Variants in STXBP4 observed in about 807,000 individuals in gnomAD.
The protein encoded by STXBP4 is syntaxin-binding protein 4.
A neutral mutation model predicts 76.1 loss-of-function variants in STXBP4; 55 were observed. The observed-to-expected ratio is 0.72, with a 90% CI of 0.58 to 0.91. The LOEUF (loss-of-function observed/expected upper bound fraction) is 0.91. Ranked by LOEUF, STXBP4 falls within the 40% of genes least tolerant of loss-of-function variation. The pLI, the probability that STXBP4 is intolerant of heterozygous loss-of-function variation, is 0.00. For synonymous variants in STXBP4, 201 were observed against 220.2 expected (o/e 0.91, Z 0.77); for missense variants, 618 against 636.9 (o/e 0.97, Z 0.32).
At chr17:55,051,423 A>G (rs1200268729) in intron 12 of STXBP4, among the ~76,000 whole-genome samples, 1 of 152,162 alleles carries the variant, frequency 6.6e-6, no homozygotes, top group South Asian at 2.1e-4. Flanking sequence ...GGAATTTCAT[A>G]CAAGTCCTAA....
At chr17:55,111,964 G>C (rs1367873686) in intron 16 of STXBP4, among the ~76,000 whole-genome samples, 1 of 152,088 alleles carries the variant, frequency 6.6e-6, no homozygotes, top group Non-Finnish European at 1.5e-5. Context: ...CACCCAGGCT[G>C]CAGTGCAATA....
intron 17 of STXBP4, among the ~76,000 whole-genome samples, chr17:55,146,606 A>G (rs182970434): frequency 2.0e-5 from 3 of 152,170 alleles, no homozygotes; most frequent in Admixed American, 2.0e-4. Flanking sequence ...AGTCCCAGCT[A>G]CTCTGGAGGC....
chr17:55,061,052 G>A (rs1201887774), intron 12 of STXBP4, among the ~76,000 whole-genome samples: 1 of 152,124 alleles, frequency 6.6e-6, no homozygotes, highest in Non-Finnish European at 1.5e-5. Flanking sequence ...CTGTGTAAAG[G>A]TTGAGTTCAG....
At chr17:55,088,835 A>T (rs1276846392) in intron 16 of STXBP4, among the ~76,000 whole-genome samples, 1 of 152,172 alleles carries the variant, frequency 6.6e-6, no homozygotes, top group South Asian at 2.1e-4. Context: ...GGACTCTCCC[A>T]TGTATAAGGA....
intron 12 of STXBP4, among the ~76,000 whole-genome samples, chr17:55,047,824 T>C (rs1025004949): frequency 1.7e-4 from 26 of 151,926 alleles, no homozygotes; most frequent in African/African-American, 6.0e-4. Context: ...AATATGACTA[T>C]GTGACAAAAA....
At chr17:55,093,057 C>G (rs749815416) in intron 16 of STXBP4, among the ~76,000 whole-genome samples, 1 of 152,014 alleles carries the variant, frequency 6.6e-6, no homozygotes, top group Non-Finnish European at 1.5e-5. Context: ...TGCAGTGGCG[C>G]AATCTCGGCT....
chr17:55,050,040 G>T lies in STXBP4; in HGVS notation c.1011+2886G>T, dbSNP rs9905857. On this transcript the variant is annotated intron_variant, in intron 12 of 17. Coordinates refer to ENST00000376352, the MANE Select transcript of STXBP4 (RefSeq NM_178509.6). Reference sequence around the variant, plus strand: ...TTGATGTATAAACTTAATAAAAATGGCACAAAAAAGAAGATACAGTTAGAC... The same window carrying T: ...TTGATGTATAAACTTAATAAAAATGTCACAAAAAAGAAGATACAGTTAGAC... 5.7e-3 allele frequency among the ~76,000 whole-genome samples: 871 copies of T among 151,936 alleles called. 2 individuals are homozygous for T. The highest frequency in any genetic ancestry group is 0.02 in the African/African-American group (847 of 41,502).
chr17:55,136,831 T>A (rs2080034039), intron 16 of STXBP4, among the ~76,000 whole-genome samples: 1 of 151,994 alleles, frequency 6.6e-6, no homozygotes, highest in African/African-American at 2.4e-5. Flanking sequence ...AAAAAAAAAA[T>A]GTGCTTACGC....
intron 16 of STXBP4, among the ~76,000 whole-genome samples, chr17:55,093,245 C>T (rs1297971418): frequency 6.6e-6 from 1 of 152,108 alleles, no homozygotes. Context: ...CCCCCTCGGC[C>T]TCCCAAAGTG....
chr17:55,141,188 GAA>G, intron 16 of STXBP4, 120 bp from the exon 17 acceptor site: 6 of 800,064 alleles, frequency 7.5e-6, no homozygotes, highest in Non-Finnish European at 1.0e-5. Context: ...CCCCTTTCTA[GAA>G]AATTATTTTG....
chr17:55,036,479 A>C (rs2078604795), intron 10 of STXBP4, among the ~76,000 whole-genome samples: 2 of 151,708 alleles, frequency 1.3e-5, no homozygotes. Flanking sequence ...ATTTGGTTTT[A>C]CATAAAATTA....
At chr17:55,185,079 G>A in the STXBP4 span, among the ~76,000 whole-genome samples, 34 of 152,086 alleles carry the variant, frequency 2.2e-4, no homozygotes, top group East Asian at 4.5e-3. Flanking sequence ...CTTCATTGCT[G>A]AGGCTGGTCT....
intron 16 of STXBP4, among the ~76,000 whole-genome samples, chr17:55,093,868 G>A (rs894649999): frequency 1.3e-5 from 2 of 152,144 alleles, no homozygotes; most frequent in African/African-American, 4.8e-5. Flanking sequence ...CAAGGCCCTT[G>A]CTATCAAGCT....
At chr17:55,031,370 A>G (rs1598234378) in intron 9 of STXBP4, 106 bp downstream of exon 9, 1 of 918,692 alleles carries the variant, frequency 1.1e-6, no homozygotes, top group Non-Finnish European at 1.7e-6. Flanking sequence ...GAGAATGAAA[A>G]GTAAAACTAC....
chr17:55,023,412 A>G (rs1200192710), intron 8 of STXBP4, among the ~76,000 whole-genome samples: 1 of 152,234 alleles, frequency 6.6e-6, no homozygotes, highest in African/African-American at 2.4e-5. Context: ...AGGAAAATTT[A>G]CGCCTGAGAA....
chr17:55,041,055 T>A (rs1196457648), intron 10 of STXBP4, among the ~76,000 whole-genome samples: 1 of 152,110 alleles, frequency 6.6e-6, no homozygotes, highest in African/African-American at 2.4e-5. Flanking sequence ...AACGTTTTTT[T>A]AAGTCATGGT....
chr17:55,029,224 T>A (rs1418011861), intron 8 of STXBP4, among the ~76,000 whole-genome samples: 1 of 151,944 alleles, frequency 6.6e-6, no homozygotes, highest in Non-Finnish European at 1.5e-5. Context: ...ATAAAAATAA[T>A]TTGTAGAGTT....
At chr17:55,019,587 TAATTTAG>T (rs2078268816) in intron 8 of STXBP4, among the ~76,000 whole-genome samples, 1 of 152,214 alleles carries the variant, frequency 6.6e-6, no homozygotes, top group East Asian at 1.9e-4. Context: ...TAGCCAATGA[TAATTTAG>T]AATTACCTGT....
intron 16 of STXBP4, among the ~76,000 whole-genome samples, chr17:55,109,276 A>G (rs891742152): frequency 6.6e-6 from 1 of 152,162 alleles, no homozygotes; most frequent in Non-Finnish European, 1.5e-5. Flanking sequence ...TGAGCAAAGG[A>G]CTATTCAGGT....
Sources: gnomAD v4.1 joint callset for allele counts (sites outside exome capture counted in the v4.1 genomes callset) on GRCh38, gnomAD v4.1.1 for gene constraint, MANE v1.5 for transcripts, NCBI Gene and HGNC (gene_info 2026-07-23, HGNC 2026-07-21) for gene names.